The following NRG1 variants were observed in gnomAD, a reference collection of about 807,000 sequenced individuals.
NRG1 encodes the protein neuregulin 1.
NRG1 carries 18 observed loss-of-function variants against 63.8 expected under a neutral mutation model. The ratio of observed to expected loss-of-function variants is 0.28; its 90% CI spans 0.19 to 0.42. The LOEUF (loss-of-function observed/expected upper bound fraction) is 0.42, where lower values mean the gene tolerates loss of function less well. Among genes scored for constraint, NRG1 ranks in the 10% least tolerant of loss-of-function variants. NRG1 has a pLI of 1.00. For synonymous variants in NRG1, 302 were observed against 301.3 expected (o/e 1.00, Z -0.02); for missense variants, 762 against 814.7 (o/e 0.94, Z 0.79).
intron 1 of NRG1, among the ~76,000 whole-genome samples, chr8:32,452,016 C>T (rs749694135): frequency 3.9e-5 from 6 of 152,018 alleles, no homozygotes; most frequent in African/African-American, 1.5e-4. Context: ...TTGGTAGAGA[C>T]GGAGTTTCAT....
chr8:32,095,351 A>G (rs954759709), intron 1 of NRG1, among the ~76,000 whole-genome samples: 5 of 152,212 alleles, frequency 3.3e-5, no homozygotes, highest in African/African-American at 1.2e-4. Context: ...AGAGTTTCCC[A>G]TATCCTCTGA....
intron 1 of NRG1, among the ~76,000 whole-genome samples, chr8:31,663,296 T>C (rs557746848): frequency 6.6e-6 from 1 of 152,328 alleles, no homozygotes; most frequent in East Asian, 1.9e-4. Flanking sequence ...TAGTTAAGTA[T>C]TCAAAACATA....
At chr8:31,842,358 TACTA>T (rs1241422673) in intron 1 of NRG1, among the ~76,000 whole-genome samples, 1 of 152,242 alleles carries the variant, frequency 6.6e-6, no homozygotes. Flanking sequence ...ACTTATTACT[TACTA>T]AGTGTTTGTT....
chr8:32,756,352 A>C, intron 8 of NRG1, 51 bp from the exon 9 acceptor site: 1 of 1,589,446 alleles, frequency 6.3e-7, no homozygotes, highest in Non-Finnish European at 8.5e-7. Context: ...TGGCTCTACT[A>C]TGAAATGAAA....
At chr8:32,619,913 AATATAAAC>A (rs1395245108) in intron 5 of NRG1, among the ~76,000 whole-genome samples, 2 of 152,162 alleles carry the variant, frequency 1.3e-5, no homozygotes, top group Non-Finnish European at 2.9e-5. Context: ...TCAGTTTGAA[AATATAAAC>A]CAGTCGTGGC....
chr8:32,367,306 T>C (rs1274155904), intron 1 of NRG1, among the ~76,000 whole-genome samples: 2 of 152,216 alleles, frequency 1.3e-5, no homozygotes, highest in Non-Finnish European at 2.9e-5. Context: ...CTGACATTTA[T>C]TACTTTCTGT....
intron 1 of NRG1, among the ~76,000 whole-genome samples, chr8:32,044,045 A>G (rs1820530404): frequency 6.6e-6 from 1 of 151,892 alleles, no homozygotes; most frequent in Non-Finnish European, 1.5e-5. Flanking sequence ...ATGCAGCAAT[A>G]TGCTATGTAC....
intron 1 of NRG1, among the ~76,000 whole-genome samples, chr8:32,506,822 A>C (rs1474985257): frequency 6.6e-6 from 1 of 151,956 alleles, no homozygotes; most frequent in Non-Finnish European, 1.5e-5. Flanking sequence ...CGAGGCTGCA[A>C]TGAGCTGTGA....
At chr8:32,146,722 A>G (rs1836905570) in intron 1 of NRG1, among the ~76,000 whole-genome samples, 1 of 151,928 alleles carries the variant, frequency 6.6e-6, no homozygotes, top group Non-Finnish European at 1.5e-5. Context: ...TGGAAATAAT[A>G]TTTTCTTTTT....
Position 32,753,371 on chromosome 8 carries a change from G to A in NRG1, c.692-1001G>A, listed in dbSNP as rs191749674. On this transcript the variant is annotated intron_variant, in intron 7 of 11. Transcript: ENST00000356819. ...ACTTATCCCCCAAAGAAACTAACTC[G>A]CAAATAGAAAAACTTCTATGAATTA... 1.3e-4 allele frequency among the ~76,000 whole-genome samples: 20 copies of A among 152,226 alleles called. No homozygotes were observed. In the East Asian group the frequency reaches 2.1e-3, roughly 16 times the overall value.
At chr8:32,430,544 G>A (rs1237347518) in intron 1 of NRG1, among the ~76,000 whole-genome samples, 3 of 152,106 alleles carry the variant, frequency 2.0e-5, no homozygotes, top group Admixed American at 6.6e-5. Context: ...TCAGACTTAG[G>A]CCTGAGCTGC....
intron 5 of NRG1, among the ~76,000 whole-genome samples, chr8:32,722,979 A>G (rs904588940): frequency 6.6e-6 from 1 of 152,254 alleles, no homozygotes. Flanking sequence ...ATAATTTCCT[A>G]AGAAACAACT....
chr8:32,182,316 G>A (rs1841517126), intron 1 of NRG1, among the ~76,000 whole-genome samples: 4 of 151,088 alleles, frequency 2.6e-5, no homozygotes. Context: ...GTGGGATCTC[G>A]GCTCACCACA....
intron 1 of NRG1, among the ~76,000 whole-genome samples, chr8:32,245,755 AG>A (rs1286331966): frequency 1.3e-5 from 2 of 152,182 alleles, no homozygotes; most frequent in Non-Finnish European, 2.9e-5. Flanking sequence ...TTCACTACAT[AG>A]GGTTTCTTAT....
At chr8:32,203,225 G>T (rs1472025204) in intron 1 of NRG1, among the ~76,000 whole-genome samples, 1 of 144,916 alleles carries the variant, frequency 6.9e-6, no homozygotes, top group Non-Finnish European at 1.5e-5. Flanking sequence ...GGACTAGATG[G>T]AGGTAAGGGA....
At chr8:32,331,186 T>C (rs1366223086) in intron 1 of NRG1, among the ~76,000 whole-genome samples, 1 of 152,060 alleles carries the variant, frequency 6.6e-6, no homozygotes, top group East Asian at 1.9e-4. Context: ...CCAGTTTTCA[T>C]TTTCTTCAAC....
intron 1 of NRG1, among the ~76,000 whole-genome samples, chr8:32,001,644 C>T (rs1812949171): frequency 6.6e-6 from 1 of 151,936 alleles, no homozygotes; most frequent in Non-Finnish European, 1.5e-5. Context: ...CATTATGGCT[C>T]CTTAGGTTCC....
chr8:32,481,178 T>TA (rs1185235888), intron 1 of NRG1, among the ~76,000 whole-genome samples: 2 of 151,814 alleles, frequency 1.3e-5, no homozygotes, highest in Non-Finnish European at 2.9e-5. Flanking sequence ...ATCTCATCTC[T>TA]AAAAAAATAC....
intron 5 of NRG1, among the ~76,000 whole-genome samples, chr8:32,667,756 C>T (rs1283666095): frequency 1.3e-5 from 2 of 152,036 alleles, no homozygotes; most frequent in African/African-American, 4.8e-5. Flanking sequence ...TTAAAACTGG[C>T]TGATTGACTT....
Sources: allele counts gnomAD v4.1 joint callset (sites outside exome capture counted in the v4.1 genomes callset), GRCh38; gene constraint gnomAD v4.1.1; transcripts MANE v1.5; gene names NCBI Gene and HGNC (gene_info 2026-07-23, HGNC 2026-07-21).